The following ADAMTSL1 variants were observed in gnomAD, a reference collection of about 807,000 sequenced individuals.
ADAMTSL1 encodes ADAMTS-like protein 1.
A neutral mutation model predicts 201.8 loss-of-function variants in ADAMTSL1; 126 were observed. The ratio of observed to expected loss-of-function variants is 0.62; its 90% CI spans 0.54 to 0.72. ADAMTSL1 has a LOEUF of 0.72. Ranked by LOEUF, ADAMTSL1 falls within the 30% of genes least tolerant of loss-of-function variation. The pLI, the probability that ADAMTSL1 is intolerant of heterozygous loss-of-function variation, is 0.00. For synonymous variants in ADAMTSL1, 1,121 were observed against 903.4 expected, an observed-to-expected ratio of 1.24 and a Z score of -4.32; for missense variants, 2,679 against 2,277.8, an observed-to-expected ratio of 1.18 and a Z score of -3.59.
intron 7 of ADAMTSL1, among the ~76,000 whole-genome samples, chr9:18,647,922 G>A (rs1028749000): frequency 6.7e-6 from 1 of 150,328 alleles, no homozygotes; most frequent in South Asian, 2.1e-4. Flanking sequence ...GCAGAGCTGA[G>A]TTCAATTCCT....
chr9:18,424,962 T>G (rs2133376843), intron 2 of ADAMTSL1, among the ~76,000 whole-genome samples: 1 of 152,282 alleles, frequency 6.6e-6, no homozygotes, highest in South Asian at 2.1e-4. Context: ...AGTGTTTGAA[T>G]TACCACCTAT....
intron 1 of ADAMTSL1, among the ~76,000 whole-genome samples, chr9:17,939,960 G>T (rs1232743162): frequency 1.3e-5 from 2 of 152,088 alleles, no homozygotes; most frequent in Non-Finnish European, 2.9e-5. Flanking sequence ...GCTGAGTGAG[G>T]TAATAGGGAG....
intron 3 of ADAMTSL1, among the ~76,000 whole-genome samples, chr9:18,572,262 A>G (rs1037002291): frequency 6.6e-6 from 1 of 152,146 alleles, no homozygotes; most frequent in African/African-American, 2.4e-5. Flanking sequence ...CTGTGTTGTA[A>G]TTCATAATAT....
chr9:18,473,139 A>T (rs987997049), upstream of ADAMTSL1, among the ~76,000 whole-genome samples: 1 of 152,220 alleles, frequency 6.6e-6, no homozygotes, highest in Non-Finnish European at 1.5e-5. Flanking sequence ...AAAATGAGGT[A>T]AAACTCAGTT....
chr9:18,338,813 C>T (rs564187114), intron 2 of ADAMTSL1, among the ~76,000 whole-genome samples: 1 of 152,192 alleles, frequency 6.6e-6, no homozygotes, highest in African/African-American at 2.4e-5. Context: ...GTCTGTTGTT[C>T]CCTTCTTTGT....
intron 1 of ADAMTSL1, among the ~76,000 whole-genome samples, chr9:18,095,737 T>C (rs138205233): frequency 2.2e-4 from 33 of 152,276 alleles, no homozygotes; most frequent in Middle Eastern, 3.4e-3. Flanking sequence ...CTGATAAATT[T>C]CTTAGTGCTG....
At chr9:18,483,787 A>G (rs138875179) in intron 1 of ADAMTSL1, among the ~76,000 whole-genome samples, 1,554 of 152,310 alleles carry the variant, frequency 0.01, 21 homozygotes, top group African/African-American at 0.031. Context: ...AGATTGTGCC[A>G]CTGCACTCCA....
At chr9:18,183,532 C>A (rs1020244549) in intron 2 of ADAMTSL1, among the ~76,000 whole-genome samples, 4 of 152,098 alleles carry the variant, frequency 2.6e-5, no homozygotes, top group African/African-American at 9.7e-5. Flanking sequence ...AATAAACAAA[C>A]AATCCAGTTC....
chr9:18,761,452 C>A (rs1396512964), intron 16 of ADAMTSL1, among the ~76,000 whole-genome samples: 1 of 152,092 alleles, frequency 6.6e-6, no homozygotes, highest in Non-Finnish European at 1.5e-5. Context: ...TGTATGGCAG[C>A]TGGTATAAGC....
chr9:17,989,278 A>C (rs1009651864), intron 1 of ADAMTSL1, among the ~76,000 whole-genome samples: 2 of 151,766 alleles, frequency 1.3e-5, no homozygotes, highest in African/African-American at 4.8e-5. Context: ...ATTTTAAATA[A>C]GCAGATTGTA....
At chr9:18,622,410 T>C (rs765652306) in intron 5 of ADAMTSL1, 41 bp downstream of exon 5, 1 of 1,613,752 alleles carries the variant, frequency 6.2e-7, no homozygotes, top group South Asian at 1.1e-5. Context: ...ACTTGTTGAC[T>C]TATCCTCTCC....
intron 4 of ADAMTSL1, among the ~76,000 whole-genome samples, chr9:18,582,713 G>A (rs902337251): frequency 1.3e-5 from 2 of 151,926 alleles, no homozygotes; most frequent in African/African-American, 2.4e-5. Flanking sequence ...GCCAGGTGTG[G>A]TAGAGGGCAC....
chr9:18,046,517 A>C (rs1406565044), intron 1 of ADAMTSL1, among the ~76,000 whole-genome samples: 1 of 152,192 alleles, frequency 6.6e-6, no homozygotes, highest in African/African-American at 2.4e-5. Context: ...ACCTGGTTAC[A>C]TCTAGCTGCA....
At chr9:18,662,907 G>A (rs1208655365) in intron 9 of ADAMTSL1, among the ~76,000 whole-genome samples, 1 of 152,066 alleles carries the variant, frequency 6.6e-6, no homozygotes, top group African/African-American at 2.4e-5. Flanking sequence ...GAGAATATAA[G>A]AAAAATCTTC....
intron 2 of ADAMTSL1, among the ~76,000 whole-genome samples, chr9:18,524,538 T>G (rs7044243): frequency 0.61 from 92,604 of 151,956 alleles, 28,425 homozygotes; most frequent in East Asian, 0.8. Flanking sequence ...AGGGAATGCT[T>G]CCAGTTTTTG....
chr9:17,928,776 T>G (rs1228150328), intron 1 of ADAMTSL1, among the ~76,000 whole-genome samples: 1 of 152,128 alleles, frequency 6.6e-6, no homozygotes, highest in African/African-American at 2.4e-5. Context: ...TATATATTTT[T>G]TGTGCATCTG....
At chr9:18,346,326 T>C (rs1390312092) in intron 2 of ADAMTSL1, among the ~76,000 whole-genome samples, 1 of 152,132 alleles carries the variant, frequency 6.6e-6, no homozygotes, top group Non-Finnish European at 1.5e-5. Flanking sequence ...ATCAGTCTTA[T>C]CAGTGCCTTT....
intron 1 of ADAMTSL1, among the ~76,000 whole-genome samples, chr9:18,143,474 C>T (rs572265154): frequency 9.3e-5 from 14 of 151,196 alleles, no homozygotes; most frequent in South Asian, 4.2e-4. Flanking sequence ...TGCTTAGCAG[C>T]GAATATCAGA....
At chr9:18,291,028 A>T (rs1309821355) in intron 2 of ADAMTSL1, among the ~76,000 whole-genome samples, 1 of 151,666 alleles carries the variant, frequency 6.6e-6, no homozygotes, top group East Asian at 1.9e-4. Flanking sequence ...TGATCCGCCC[A>T]CCTCAGCCTC....
Sources: allele counts gnomAD v4.1 joint callset (sites outside exome capture counted in the v4.1 genomes callset), GRCh38; gene constraint gnomAD v4.1.1; transcripts MANE v1.5; gene names NCBI Gene and HGNC (gene_info 2026-07-23, HGNC 2026-07-21).